The following PDE4D variants were observed in gnomAD, a reference collection of about 807,000 sequenced individuals.
PDE4D encodes phosphodiesterase 4D, also known as 3',5'-cyclic-AMP phosphodiesterase 4D.
PDE4D carries 24 observed loss-of-function variants against 87.4 expected under a neutral mutation model. The observed-to-expected ratio is 0.27, with a 90% confidence interval of 0.20 to 0.39. The LOEUF (loss-of-function observed/expected upper bound fraction) is 0.39. PDE4D is among the 10% of genes least tolerant of loss of function. PDE4D has a pLI of 1.00. For missense variants in PDE4D, 714 were observed against 1,041.0 expected (o/e 0.69, Z 4.32); for synonymous variants, 384 against 383.2 (o/e 1.00, Z -0.02).
At chr5:59,189,244 G>T (rs79915731) in intron 3 of PDE4D, among the ~76,000 whole-genome samples, 49,756 of 89,928 alleles carry the variant, frequency 0.55, 11,533 homozygotes, top group Non-Finnish European at 0.61. Flanking sequence ...TTTTTTTTTT[G>T]TTTTTTTTGT....
intron 1 of PDE4D, among the ~76,000 whole-genome samples, chr5:59,728,949 G>A (rs1180121696): frequency 1.3e-5 from 2 of 151,770 alleles, no homozygotes; most frequent in African/African-American, 4.8e-5. Context: ...TAATATTATG[G>A]CTCCCAGATG....
chr5:59,678,015 C>G (rs1748398399), intron 1 of PDE4D, among the ~76,000 whole-genome samples: 2 of 152,098 alleles, frequency 1.3e-5, no homozygotes, highest in Non-Finnish European at 2.9e-5. Context: ...AATGCTAAAT[C>G]AACAAATAAA....
intron 1 of PDE4D, among the ~76,000 whole-genome samples, chr5:59,380,993 G>C (rs1196065841): frequency 6.6e-6 from 1 of 152,138 alleles, no homozygotes; most frequent in Non-Finnish European, 1.5e-5. Flanking sequence ...CAGAGTTCTT[G>C]TGGCCCCAAA....
chr5:59,867,689 T>C (rs1405917359), intron 1 of PDE4D, among the ~76,000 whole-genome samples: 1 of 152,058 alleles, frequency 6.6e-6, no homozygotes, highest in East Asian at 1.9e-4. Flanking sequence ...TCCAACAGAC[T>C]CCAACAGGAG....
intron 1 of PDE4D, among the ~76,000 whole-genome samples, chr5:59,221,639 A>T (rs1419266917): frequency 6.6e-6 from 1 of 152,126 alleles, no homozygotes; most frequent in Non-Finnish European, 1.5e-5. Flanking sequence ...CTCAAAAAAA[A>T]AAGTTTTCAT....
chr5:59,491,533 A>G (rs1024080206), intron 1 of PDE4D, among the ~76,000 whole-genome samples: 1 of 152,180 alleles, frequency 6.6e-6, no homozygotes, highest in Non-Finnish European at 1.5e-5. Flanking sequence ...TTTCATTTAA[A>G]CATTTTGGAA....
chr5:60,317,960 T>G (rs1755799091), intron 1 of PDE4D, among the ~76,000 whole-genome samples: 1 of 152,216 alleles, frequency 6.6e-6, no homozygotes, highest in Admixed American at 6.5e-5. Context: ...AGATGTATAT[T>G]CTGTAGATTT....
intron 1 of PDE4D, among the ~76,000 whole-genome samples, chr5:59,864,255 T>C (rs1219893376): frequency 2.0e-5 from 3 of 152,180 alleles, no homozygotes; most frequent in Admixed American, 6.5e-5. Context: ...AATTAAAAGC[T>C]TTAACTGGAC....
At chr5:60,020,997 A>G (rs1024036059) in intron 2 of PDE4D, among the ~76,000 whole-genome samples, 14 of 152,168 alleles carry the variant, frequency 9.2e-5, no homozygotes, top group Admixed American at 5.2e-4. Context: ...ATTCAAACCA[A>G]TCATTTGGGA....
chr5:58,974,630 T>TA lies in PDE4D; in HGVS notation c.*33dup, dbSNP rs10718401. On this transcript the variant is annotated 3_prime_UTR_variant, in exon 15 of 15. Coordinates refer to ENST00000340635, the MANE Select transcript of PDE4D (RefSeq NM_001104631.2). The stretch of plus-strand genomic sequence containing the variant: ...GCACTTTGGAAACAATTTTTCTACT[T>TA]AAAAAAAAAAAAGGCATGAAAGTTT... 0.041 allele frequency: 46,158 copies of TA among 1,124,762 alleles called. 2 individuals carry two copies. The highest frequency in any genetic ancestry group is 0.055 in the South Asian group (3,128 of 56,692). The allele number at this position is 1,124,762 out of a possible 1,614,324, so 69.7% of individuals were successfully genotyped here.
rs375673112 is a variant in PDE4D at position 60,411,029 on chromosome 5, C to T, written c.-90+76913G>A. Among the ~76,000 whole-genome samples, 15 of 152,274 alleles carry T rather than the reference C, an allele frequency of 9.9e-5. No individual in the cohort carries two copies. The East Asian group carries it at 2.5e-3, about 25-fold the overall frequency. Reference sequence around the variant, plus strand: ...ACTTTTCCCCAGGTCAGTTTTGCAGCTAATACATGGAAGAACTGACATTTG... The same window carrying T: ...ACTTTTCCCCAGGTCAGTTTTGCAGTTAATACATGGAAGAACTGACATTTG... On this transcript the variant is annotated intron_variant, in intron 1 of 16. Transcript: ENST00000502484.
chr5:60,014,556 C>T, intron 2 of PDE4D, among the ~76,000 whole-genome samples: 1 of 152,154 alleles, frequency 6.6e-6, no homozygotes, highest in Non-Finnish European at 1.5e-5. Context: ...AAGTTCCACT[C>T]TGCTAGGAGA....
At chr5:60,487,189 AAT>A (rs766450217) in intron 1 of PDE4D, among the ~76,000 whole-genome samples, 7 of 152,224 alleles carry the variant, frequency 4.6e-5, no homozygotes, top group African/African-American at 7.2e-5. Context: ...ACCCCCCAGC[AAT>A]CATACAAACC....
intron 5 of PDE4D, among the ~76,000 whole-genome samples, chr5:59,161,264 C>T: frequency 6.6e-6 from 1 of 152,216 alleles, no homozygotes; most frequent in Middle Eastern, 3.2e-3. Context: ...GGTCAGGCTA[C>T]AGCTTGTTTT....
At chr5:59,104,248 T>C (rs1771214075) in intron 5 of PDE4D, among the ~76,000 whole-genome samples, 1 of 152,224 alleles carries the variant, frequency 6.6e-6, no homozygotes, top group Non-Finnish European at 1.5e-5. Flanking sequence ...GTGCTTTAAA[T>C]ACATTGTCTC....
chr5:59,749,289 C>A (rs1053828620), intron 1 of PDE4D, among the ~76,000 whole-genome samples: 1 of 152,218 alleles, frequency 6.6e-6, no homozygotes, highest in African/African-American at 2.4e-5. Flanking sequence ...GAGACAGAGT[C>A]TTGCTCTGTC....
At chr5:59,368,101 G>GATGC (rs1440843419) in intron 1 of PDE4D, among the ~76,000 whole-genome samples, 2 of 152,210 alleles carry the variant, frequency 1.3e-5, no homozygotes, top group African/African-American at 4.8e-5. Flanking sequence ...GCTTTTTGAG[G>GATGC]ATGCATGTAT....
In PDE4D at chr5:60,003,707, T is replaced by TA. The variant is rs35100447; in HGVS notation, c.43-14991dup. Among the ~76,000 whole-genome samples, 970 of 104,262 alleles carry TA rather than the reference T, an allele frequency of 9.3e-3. 15 individuals are homozygous for TA. The highest frequency in any genetic ancestry group is 0.049 in the Admixed American group (449 of 9,142). The allele number at this position is 104,262 out of a possible 152,430, so 68.4% of individuals were successfully genotyped here. A position where few individuals can be genotyped will look rare whatever the true frequency, so the allele number is the denominator to read the frequency against. ...CTGGGCAACAGAGCGAGACTCCATCTAAAAAAAAAAAAAAAAAAAAGAAGA... is the reference window on the plus strand; with the variant it reads ...CTGGGCAACAGAGCGAGACTCCATCTAAAAAAAAAAAAAAAAAAAAAGAAGA... On this transcript the variant is annotated intron_variant, in intron 2 of 16. Coordinates refer to the PDE4D transcript ENST00000502484.
chr5:59,425,531 G>A (rs60448063), intron 1 of PDE4D, among the ~76,000 whole-genome samples: 35,471 of 151,938 alleles, frequency 0.23, 4,346 homozygotes, highest in East Asian at 0.39. Flanking sequence ...GTAGAATTGC[G>A]TCAGTTGAAA....
Sources: allele counts gnomAD v4.1 joint callset (sites outside exome capture counted in the v4.1 genomes callset), GRCh38; gene constraint gnomAD v4.1.1; transcripts MANE v1.5; gene names NCBI Gene and HGNC (gene_info 2026-07-23, HGNC 2026-07-21).